Variants in NDUFB10 observed in about 807,000 individuals in gnomAD.
The protein encoded by NDUFB10 is NADH:ubiquinone oxidoreductase subunit B10.
Under a neutral mutation model 19.0 loss-of-function variants are expected in NDUFB10, and 23 were observed. The ratio of observed to expected loss-of-function variants is 1.21; its 90% CI spans 0.87 to 1.71. NDUFB10 has a LOEUF of 1.71. Ranked by LOEUF, NDUFB10 falls within the 40% of genes most tolerant of loss-of-function variation. NDUFB10 has a pLI of 0.00. For missense variants in NDUFB10, 312 were observed against 230.6 expected (o/e 1.35, Z -2.29); for synonymous variants, 104 against 81.8 (o/e 1.27, Z -1.46).
At position 1,961,811 on chromosome 16, in the gene NDUFB10, G is replaced by A. The variant is rs567165467; in HGVS notation, c.424G>A (p.Ala142Thr). Reference sequence around the variant, plus strand: ...TGCTTCCCCAGATCAGGACCTGGGGGCCTACAGTTCTGCCAGGAAGTGCCT... The same window carrying A: ...TGCTTCCCCAGATCAGGACCTGGGGACCTACAGTTCTGCCAGGAAGTGCCT... ...AYQDRYQDLGAYSSARKCLAK... is the reference protein window; with the variant it reads ...AYQDRYQDLGTYSSARKCLAK... Residue 142 changes from alanine (A) to threonine (T), a missense_variant, in exon 4 of 4, where the codon GCC (alanine) becomes ACC (threonine). Ala to Thr is a moderately conservative substitution (Grantham distance 58). Transcript: ENST00000268668. 869 of 1,556,100 alleles carry A rather than the reference G, an allele frequency of 5.6e-4. 12 individuals are homozygous for A. The South Asian group carries it at 9.7e-3, about 17-fold the overall frequency.
Position 1,961,479 on chromosome 16 carries a change from GC to G in NDUFB10, c.270-17del. The G allele has an allele frequency of 6.2e-7, 1 of 1,613,612 alleles. No homozygotes were observed. Among genetic ancestry groups the G allele is most frequent in the Non-Finnish European group, 8.5e-7 (1 of 1,179,698 alleles). ...GGATTCCTTGTGATTAGCCTCTCTT[GC>G]TCCTTTTCTCCACCAGCAAAGTCGA... On this transcript the variant is annotated splice_polypyrimidine_tract_variant and intron_variant, in intron 2 of 3. Transcript: ENST00000268668.
At chr16:1,960,432 A>G (rs980757225) in intron 1 of NDUFB10, among the ~76,000 whole-genome samples, 7 of 152,208 alleles carry the variant, frequency 4.6e-5, no homozygotes, top group East Asian at 3.8e-4. Context: ...CATGTTGGCC[A>G]GGCTGGTCTC....
Position 1,961,599 on chromosome 16 carries a change from G to A in NDUFB10, c.372G>A (p.Glu124=), listed in dbSNP as rs1001537032. Residue 124 remains glutamate, a synonymous_variant, in exon 3 of 4, where the codon GAG becomes GAA. Coordinates refer to ENST00000268668, the MANE Select transcript of NDUFB10 (RefSeq NM_004548.3). ...NYQQNCIKEV[E]QFTQVAKAYQ... ...AGCAGAACTGTATCAAGGAAGTGGA[G>A]CAGTTCACCCAGGTGGCCAAGGCCT... The A allele has an allele frequency of 3.7e-6, 6 of 1,613,846 alleles. No homozygotes were observed. Among genetic ancestry groups the A allele is most frequent in the Admixed American group, 1.7e-5 (1 of 60,016 alleles).
rs749340350 is a variant in NDUFB10 at position 1,959,758 on chromosome 16, C to T, written c.130+4C>T. The T allele has an allele frequency of 7.4e-6, 12 of 1,612,822 alleles. No individual in the cohort carries two copies. Among genetic ancestry groups the T allele is most frequent in the African/African-American group, 4.0e-5 (3 of 74,878 alleles). On this transcript the variant is annotated splice_donor_region_variant and intron_variant, in intron 1 of 3. Transcript: ENST00000268668. ...CGACCCGTGACCCTCGTGAGAGGTA[C>T]GAAGCCCCAGCCCGGGGCTCCCTCG...
chr16:1,960,036 C>G (rs1255041196), intron 1 of NDUFB10, among the ~76,000 whole-genome samples: 1 of 151,536 alleles, frequency 6.6e-6, no homozygotes, highest in Admixed American at 6.6e-5. Context: ...GCACCCAGCG[C>G]CCACTGCCCC....
At position 1,961,956 on chromosome 16, in the gene NDUFB10, A is replaced by G. The variant is rs928860642; in HGVS notation, c.*50A>G. The G allele has an allele frequency of 3.9e-6, 6 of 1,520,370 alleles. No homozygotes were observed. The African/African-American group carries it at 8.3e-5, about 21-fold the overall frequency. 94.2% of individuals were successfully genotyped at this position (1,520,370 alleles called of 1,614,324 possible). A position where few individuals can be genotyped will look rare whatever the true frequency, so the allele number is the denominator to read the frequency against. On this transcript the variant is annotated 3_prime_UTR_variant, in exon 4 of 4. Transcript: ENST00000268668. Reference sequence around the variant, plus strand: ...GTGGCTCTGTATGACTGTTGCTGAAATATAAAGCCCTGCAACCTGCCTGTG... The same window carrying G: ...GTGGCTCTGTATGACTGTTGCTGAAGTATAAAGCCCTGCAACCTGCCTGTG...
At chr16:1,961,341 G>C in intron 2 of NDUFB10, 50 bp downstream of exon 2, 1 of 1,608,944 alleles carries the variant, frequency 6.2e-7, no homozygotes, top group East Asian at 2.2e-5. Flanking sequence ...GTGCTGCTGG[G>C]ACACTAGTCC....
At chr16:1,961,410 C>A in intron 2 of NDUFB10, 87 bp from the exon 3 acceptor site, 2 of 1,594,404 alleles carry the variant, frequency 1.3e-6, no homozygotes, top group East Asian at 2.2e-5. Flanking sequence ...GGAGCCAGAC[C>A]CCAGGGCTCT....
At position 1,961,589 on chromosome 16, in the gene NDUFB10, A is replaced by G. The variant is rs369765201; in HGVS notation, c.362A>G (p.Lys121Arg). Residue 121 changes from lysine to arginine, a missense_variant, in exon 3 of 4, where the codon AAG becomes AGG. By Grantham distance (26) the Lys-to-Arg change is conservative. Coordinates refer to ENST00000268668, the MANE Select transcript of NDUFB10 (RefSeq NM_004548.3). Reference protein sequence around the residue: ...EGQNYQQNCIKEVEQFTQVAK... With the variant: ...EGQNYQQNCIREVEQFTQVAK... ...CAGAACTACCAGCAGAACTGTATCAAGGAAGTGGAGCAGTTCACCCAGGTG... is the reference window on the plus strand; with the variant it reads ...CAGAACTACCAGCAGAACTGTATCAGGGAAGTGGAGCAGTTCACCCAGGTG... 1.3e-5 allele frequency: 21 copies of G among 1,613,980 alleles called. No individual in the cohort carries two copies. The highest frequency in any genetic ancestry group is 6.7e-5 in the African/African-American group (5 of 74,952).
intron 3 of NDUFB10, 36 bp downstream of exon 3, chr16:1,961,672 C>T (rs779269880): frequency 3.9e-5 from 60 of 1,530,734 alleles, no homozygotes; most frequent in Non-Finnish European, 5.0e-5. Context: ...CCCCACCATC[C>T]TCCTGAGGCC....
chr16:1,961,093 G>C (rs2150870881), intron 1 of NDUFB10, 60 bp from the exon 2 acceptor site: 1 of 1,586,398 alleles, frequency 6.3e-7, no homozygotes, highest in South Asian at 1.1e-5. Context: ...TGAGAAATAA[G>C]AAAGCTAAAA....
chr16:1,959,893 C>A, intron 1 of NDUFB10, 139 bp downstream of exon 1: 4 of 1,158,432 alleles, frequency 3.5e-6, no homozygotes, highest in Non-Finnish European at 4.9e-6. Context: ...CAACTCCCCA[C>A]CCCCGGAGAC....
rs1801288 is a variant in NDUFB10 at position 1,961,544 on chromosome 16, C to T, written c.317C>T (p.Ala106Val). The T allele has an allele frequency of 6.2e-7, 1 of 1,614,074 alleles. No individual in the cohort carries two copies. The highest frequency in any genetic ancestry group is 2.2e-5 in the East Asian group (1 of 44,874). ...AACATTATGCAGGATCGGCTCAAAG[C>T]CTGTCAGCAGAGGGAAGGACAGAAC... is the stretch of plus-strand genomic sequence containing the variant. ...IINIMQDRLK[A>V]CQQREGQNYQ... Residue 106 changes from alanine (A) to valine (V), a missense_variant, in exon 3 of 4, where the codon GCC becomes GTC. Coordinates refer to ENST00000268668, the MANE Select transcript of NDUFB10 (RefSeq NM_004548.3).
At chr16:1,961,034 A>G in intron 1 of NDUFB10, 119 bp from the exon 2 acceptor site, 1 of 1,279,682 alleles carries the variant, frequency 7.8e-7, no homozygotes, top group Non-Finnish European at 1.1e-6. Context: ...CTGTTTTCTA[A>G]ACGCTGGAAC....
Position 1,961,859 on chromosome 16 carries a change from C to A in NDUFB10, c.472C>A (p.Leu158Met). Residue 158 changes from leucine (L) to methionine (M), a missense_variant, in exon 4 of 4, where the codon CTG (leucine) becomes ATG (methionine). Leu to Met is a conservative substitution (Grantham distance 15, BLOSUM62 2). Transcript: ENST00000268668. ...CCTGGCCAAACAGAGGCAGAGGATGCTGCAAGAGAGAAAAGCTGCAAAAGA... is the reference window on the plus strand; with the variant it reads ...CCTGGCCAAACAGAGGCAGAGGATGATGCAAGAGAGAAAAGCTGCAAAAGA... ...KCLAKQRQRM[L>M]QERKAAKEAA... 1 of 1,565,890 alleles carries A rather than the reference C, an allele frequency of 6.4e-7. No homozygotes were observed.
Position 1,961,643 on chromosome 16 carries a change from G to GGGGCCCCCCCCCCCC in NDUFB10, c.409+7_409+8insGGGCCCCCCCCCCCC. 7.8e-6 allele frequency: 12 copies of GGGGCCCCCCCCCCCC among 1,547,022 alleles called. No homozygotes were observed. The highest frequency in any genetic ancestry group is 4.7e-5 in the East Asian group (2 of 42,888). On this transcript the variant is annotated splice_region_variant and intron_variant, in intron 3 of 3. Transcript: ENST00000268668. ...AAGGCCTACCAGGACCGCTGTGCGTGCCCCACCCACCCCCAACCCCCCACC... is the reference window on the plus strand; with the variant it reads ...AAGGCCTACCAGGACCGCTGTGCGTGGGGCCCCCCCCCCCCCCCCACCCACCCCCAACCCCCCACC...
At position 1,959,559 on chromosome 16, in the gene NDUFB10, G is replaced by C. The variant is rs2083239299; in HGVS notation, c.-66G>C. ...CTCTGTAGCGGGCGACCTAGGCCGC[G>C]GGACCCGGACGGAGGTAGAGGCCAG... On this transcript the variant is annotated 5_prime_UTR_variant, in exon 1 of 4. Transcript: ENST00000268668. 1 of 1,521,274 alleles carries C rather than the reference G, an allele frequency of 6.6e-7. No individual in the cohort carries two copies. The highest frequency in any genetic ancestry group is 8.8e-7 in the Non-Finnish European group (1 of 1,130,858). The allele number at this position is 1,521,274 out of a possible 1,614,324, so 94.2% of individuals were successfully genotyped here.
chr16:1,961,643 G>GGGGCCCCCCCCCCCCCCCCCCCCCCCC lies in NDUFB10; in HGVS notation c.409+7_409+8insGGGCCCCCCCCCCCCCCCCCCCCCCCC. 2.6e-6 allele frequency: 4 copies of GGGGCCCCCCCCCCCCCCCCCCCCCCCC among 1,547,204 alleles called. No homozygotes were observed. The highest frequency in any genetic ancestry group is 2.3e-5 in the East Asian group (1 of 42,892). On this transcript the variant is annotated splice_region_variant and intron_variant, in intron 3 of 3. Coordinates refer to ENST00000268668, the MANE Select transcript of NDUFB10 (RefSeq NM_004548.3). ...AAGGCCTACCAGGACCGCTGTGCGTGCCCCACCCACCCCCAACCCCCCACC... is the reference window on the plus strand; with the variant it reads ...AAGGCCTACCAGGACCGCTGTGCGTGGGGCCCCCCCCCCCCCCCCCCCCCCCCCCCCACCCACCCCCAACCCCCCACC...
intron 1 of NDUFB10, 112 bp from the exon 2 acceptor site, chr16:1,961,041 G>A: frequency 3.0e-6 from 4 of 1,319,954 alleles, no homozygotes; most frequent in Non-Finnish European, 3.1e-6. Flanking sequence ...CTAAACGCTG[G>A]AACACTCAGG....
Sources: allele counts gnomAD v4.1 joint callset (sites outside exome capture counted in the v4.1 genomes callset), GRCh38; gene constraint gnomAD v4.1.1; transcripts MANE v1.5; gene names NCBI Gene and HGNC (gene_info 2026-07-23, HGNC 2026-07-21).